Variants in ROBO2 observed in about 807,000 individuals in gnomAD.
ROBO2 encodes the protein roundabout guidance receptor 2, also known as roundabout homolog 2.
ROBO2 carries 53 observed loss-of-function variants against 160.8 expected under a neutral mutation model. The ratio of observed to expected loss-of-function variants is 0.33; its 90% CI spans 0.26 to 0.41. The LOEUF (loss-of-function observed/expected upper bound fraction) is 0.41, where lower values mean the gene tolerates loss of function less well. ROBO2 is among the 10% of genes least tolerant of loss of function. The pLI, the probability that ROBO2 is intolerant of heterozygous loss-of-function variation, is 1.00. For missense variants in ROBO2, 1,577 were observed against 1,722.4 expected (o/e 0.92, Z 1.49); for synonymous variants, 664 against 611.7 (o/e 1.09, Z -1.26).
intron 2 of ROBO2, among the ~76,000 whole-genome samples, chr3:77,203,315 T>G (rs915944413): frequency 6.6e-6 from 1 of 152,240 alleles, no homozygotes; most frequent in African/African-American, 2.4e-5. Context: ...AAACATGTCT[T>G]GAGGGTGATT....
intron 1 of ROBO2, among the ~76,000 whole-genome samples, chr3:75,910,075 T>C (rs992719550): frequency 2.0e-5 from 3 of 152,172 alleles, no homozygotes; most frequent in African/African-American, 7.2e-5. Context: ...CAAGAGGACT[T>C]GGAAGTTTCC....
intron 2 of ROBO2, among the ~76,000 whole-genome samples, chr3:76,165,793 A>G (rs1282636779): frequency 6.6e-6 from 1 of 152,138 alleles, no homozygotes; most frequent in Non-Finnish European, 1.5e-5. Context: ...AGGCTGGAGG[A>G]GGAGAGAGAA....
chr3:77,136,598 C>A (rs1447562564), intron 2 of ROBO2, among the ~76,000 whole-genome samples: 1 of 150,584 alleles, frequency 6.6e-6, no homozygotes, highest in Non-Finnish European at 1.5e-5. Context: ...CCTCAGCGTC[C>A]CCAGTAGCTG....
intron 2 of ROBO2, among the ~76,000 whole-genome samples, chr3:77,201,175 A>G (rs2082872408): frequency 6.6e-6 from 1 of 152,214 alleles, no homozygotes. Flanking sequence ...CAGAGATTTT[A>G]TGTAACTTGC....
At chr3:77,221,693 A>C (rs1190119650) in intron 2 of ROBO2, among the ~76,000 whole-genome samples, 1 of 152,184 alleles carries the variant, frequency 6.6e-6, no homozygotes, top group East Asian at 1.9e-4. Context: ...AAGATATGTA[A>C]AAACTTGGCA....
At chr3:76,941,837 C>T (rs1161225459) in intron 2 of ROBO2, among the ~76,000 whole-genome samples, 1 of 152,122 alleles carries the variant, frequency 6.6e-6, no homozygotes, top group Non-Finnish European at 1.5e-5. Context: ...TAGTAATTTC[C>T]TAGTAAATTT....
At chr3:77,199,847 T>C (rs892684447) in intron 2 of ROBO2, among the ~76,000 whole-genome samples, 1 of 151,410 alleles carries the variant, frequency 6.6e-6, no homozygotes. Flanking sequence ...AGGCTGGTCT[T>C]GAACTCCTGT....
intron 6 of ROBO2, 76 bp downstream of exon 7, chr3:77,527,490 AG>A: frequency 1.0e-6 from 1 of 1,000,980 alleles, no homozygotes; most frequent in South Asian, 1.5e-5. Flanking sequence ...AAGATTTGAC[AG>A]AATGAAATAT....
chr3:76,834,741 A>T (rs2067524733), intron 2 of ROBO2, among the ~76,000 whole-genome samples: 1 of 152,130 alleles, frequency 6.6e-6, no homozygotes, highest in Non-Finnish European at 1.5e-5. Flanking sequence ...GCCTCAAATG[A>T]TTCTCTTAAG....
chr3:76,063,172 C>G (rs189307010), intron 2 of ROBO2, among the ~76,000 whole-genome samples: 1 of 152,006 alleles, frequency 6.6e-6, no homozygotes, highest in Non-Finnish European at 1.5e-5. Context: ...AATGAGTCAC[C>G]GTATCTGGCA....
chr3:77,164,875 CG>C (rs2078895387), intron 2 of ROBO2, among the ~76,000 whole-genome samples: 1 of 65,658 alleles, frequency 1.5e-5, no homozygotes, highest in Non-Finnish European at 5.0e-5. Context: ...CCACCCCGTC[CG>C]GGAGGGAGGT....
chr3:76,442,594 CTACTGTCAGAAAATA>C (rs2109136101), intron 2 of ROBO2, among the ~76,000 whole-genome samples: 1 of 152,222 alleles, frequency 6.6e-6, no homozygotes, highest in South Asian at 2.1e-4. Flanking sequence ...CTGAAGTCTA[CTACTGTCAGAAAATA>C]TTCAGCGGAA....
intron 2 of ROBO2, among the ~76,000 whole-genome samples, chr3:76,400,268 C>T (rs2077737570): frequency 6.6e-6 from 1 of 151,494 alleles, no homozygotes; most frequent in African/African-American, 2.4e-5. Context: ...CCTCAATAAC[C>T]GTTTTCATTT....
intron 2 of ROBO2, among the ~76,000 whole-genome samples, chr3:77,358,000 C>T (rs1465707853): frequency 6.6e-6 from 1 of 152,106 alleles, no homozygotes; most frequent in Non-Finnish European, 1.5e-5. Flanking sequence ...CAGGAAGATC[C>T]TGTTTAAAAT....
intron 2 of ROBO2, among the ~76,000 whole-genome samples, chr3:77,132,451 T>A (rs529614555): frequency 6.6e-6 from 1 of 152,094 alleles, no homozygotes; most frequent in Non-Finnish European, 1.5e-5. Context: ...GCTGGTAGTT[T>A]CAGCCCCTGG....
rs2083161794 is a variant in ROBO2, at chr3:76,547,274, T to C, written c.110-550740T>C. ...GCAAAGTTTGACAGCATATTTATTT[T>C]TTCCTTATGTATATGCTGTCAGATA... On this transcript the variant is annotated intron_variant, in intron 2 of 26. Transcript: ENST00000487694. Among the ~76,000 whole-genome samples, 3 of 151,834 alleles carry C rather than the reference T, an allele frequency of 2.0e-5. No homozygotes were observed. The South Asian group carries it at 6.2e-4, about 31-fold the overall frequency.
chr3:76,567,807 A>ATATAT lies in ROBO2; in HGVS notation c.110-530206_110-530205insATATT, dbSNP rs1483342803. ...TGTGTGTGTGTGTGTGTATATATAT[A>ATATAT]TTTTTTTTTTTTTTTTGGGGGGGGT... On this transcript the variant is annotated intron_variant, in intron 2 of 26. Transcript: ENST00000487694. Among the ~76,000 whole-genome samples, 76 of 72,336 alleles carry ATATAT rather than the reference A, an allele frequency of 1.1e-3. 2 individuals are homozygous for ATATAT. The highest frequency in any genetic ancestry group is 3.6e-3 in the African/African-American group (68 of 18,874). 47.5% of individuals were successfully genotyped at this position (72,336 alleles called of 152,430 possible).
chr3:76,250,681 A>G (rs1705937650), intron 2 of ROBO2, among the ~76,000 whole-genome samples: 1 of 152,092 alleles, frequency 6.6e-6, no homozygotes, highest in Non-Finnish European at 1.5e-5. Flanking sequence ...ATCTGTTGAC[A>G]TATCTGGTAA....
intron 2 of ROBO2, among the ~76,000 whole-genome samples, chr3:77,198,765 T>A: frequency 6.6e-6 from 1 of 151,980 alleles, no homozygotes; most frequent in Non-Finnish European, 1.5e-5. Flanking sequence ...TAGCCAGACA[T>A]GGTGCTGTGT....
Sources: allele counts gnomAD v4.1 joint callset (sites outside exome capture counted in the v4.1 genomes callset), GRCh38; gene constraint gnomAD v4.1.1; transcripts MANE v1.5; gene names NCBI Gene and HGNC (gene_info 2026-07-23, HGNC 2026-07-21).